The following KMT2C variants were observed in gnomAD, a reference collection of about 807,000 sequenced individuals.
KMT2C encodes lysine methyltransferase 2C, also known as histone-lysine N-methyltransferase 2C.
KMT2C carries 88 observed loss-of-function variants against 507.9 expected under a neutral mutation model. That is an observed-to-expected ratio of 0.17 (90% CI 0.15 to 0.21). KMT2C has a LOEUF of 0.21. Ranked by LOEUF, KMT2C falls within the 10% of genes least tolerant of loss-of-function variation. The pLI, the probability that KMT2C is intolerant of heterozygous loss-of-function variation, is 1.00. For synonymous variants in KMT2C, 2,049 were observed against 2,080.8 expected, an observed-to-expected ratio of 0.98 and a Z score of 0.42; for missense variants, 4,954 against 5,957.8, an observed-to-expected ratio of 0.83 and a Z score of 5.55.
intron 49 of KMT2C, among the ~76,000 whole-genome samples, chr7:152,152,368 T>C (rs1318345844): frequency 6.6e-6 from 1 of 152,178 alleles, no homozygotes; most frequent in Non-Finnish European, 1.5e-5. Flanking sequence ...GCCCCATCTG[T>C]ACCAGGTGGC....
chr7:152,339,827 G>A (rs144099253), intron 2 of KMT2C, among the ~76,000 whole-genome samples: 2 of 152,044 alleles, frequency 1.3e-5, no homozygotes, highest in Admixed American at 6.6e-5. Context: ...TATAAAGCAA[G>A]CAGATAAATC....
Position 152,155,966 on chromosome 7 carries a change from T to C in KMT2C, c.11904A>G (p.Thr3968=). ...LARALAQGPK[T]VDVPASLPTP... is the part of the protein sequence containing the mutation. ...TTGGGAGGGAGGCTGGCACATCAACTGTCTTGGGGCCCTGAGCAAGAGCTC... is the reference window on the plus strand; with the variant it reads ...TTGGGAGGGAGGCTGGCACATCAACCGTCTTGGGGCCCTGAGCAAGAGCTC... The change falls in exon 46 of 59, where the codon ACA becomes ACG. Residue 3968 remains threonine (T), a synonymous_variant. Transcript: ENST00000262189. The C allele has an allele frequency of 1.2e-6, 2 of 1,610,776 alleles. No individual in the cohort carries two copies. The highest frequency in any genetic ancestry group is 2.2e-5 in the South Asian group (2 of 90,224).
intron 38 of KMT2C, among the ~76,000 whole-genome samples, chr7:152,175,106 C>A (rs2093139706): frequency 6.6e-6 from 1 of 151,472 alleles, no homozygotes; most frequent in Admixed American, 6.6e-5. Flanking sequence ...AGTTTTGAAT[C>A]TCTTAATTTA....
intron 6 of KMT2C, among the ~76,000 whole-genome samples, chr7:152,289,540 A>G (rs2096369788): frequency 6.6e-6 from 1 of 152,258 alleles, no homozygotes; most frequent in East Asian, 1.9e-4. Context: ...TTTACATGTA[A>G]GAACAAATAA....
chr7:152,239,020 G>T, intron 14 of KMT2C, 194 bp from the exon 15 acceptor site: 1 of 480,956 alleles, frequency 2.1e-6, no homozygotes, highest in Non-Finnish European at 3.7e-6. Flanking sequence ...TTAAATGTTT[G>T]CTGCTACAAT....
At chr7:152,243,770 A>T (rs2095425462) in intron 14 of KMT2C, among the ~76,000 whole-genome samples, 1 of 152,198 alleles carries the variant, frequency 6.6e-6, no homozygotes, top group South Asian at 2.1e-4. Context: ...CAACAGAGCA[A>T]GACTCAATCT....
intron 2 of KMT2C, among the ~76,000 whole-genome samples, chr7:152,332,933 G>A (rs1019652890): frequency 1.3e-5 from 2 of 150,516 alleles, no homozygotes; most frequent in Admixed American, 6.6e-5. Context: ...AACGGCAAAA[G>A]AATTAACAAT....
At chr7:152,137,852 C>G (rs1480126977) in intron 58 of KMT2C, 2 of 152,208 alleles carry the variant, frequency 1.3e-5, no homozygotes, top group East Asian at 3.9e-4. Context: ...GCCAGGGCTC[C>G]CACACACTGT....
chr7:152,189,344 C>A (rs572851906), intron 31 of KMT2C, among the ~76,000 whole-genome samples: 3 of 152,304 alleles, frequency 2.0e-5, no homozygotes, highest in African/African-American at 7.2e-5. Context: ...TGGAAATACA[C>A]AAGGCCTCTG....
In KMT2C at chr7:152,222,068, T is replaced by G; in HGVS notation, c.3434-2A>C. The G allele has an allele frequency of 6.3e-7, 1 of 1,581,696 alleles. No individual in the cohort carries two copies. Among genetic ancestry groups the G allele is most frequent in the Non-Finnish European group, 8.6e-7 (1 of 1,168,092 alleles). ...ATTCACAGCAGTCTGAGGAAGGCAC[T>G]GAAACGAAAAAAAAAAATCCAGGTA... On this transcript the variant is annotated splice_acceptor_variant, in intron 21 of 58. Coordinates refer to ENST00000262189, the MANE Select transcript of KMT2C (RefSeq NM_170606.3). LOFTEE classifies it high-confidence loss of function.
In KMT2C at chr7:152,227,748, T is replaced by C. The variant is rs539997401; in HGVS notation, c.2976+2175A>G. ...ACAAAGGATCCCCTGAAGTCTTTGG[T>C]GGAACACCAAGCCGTACTTCTAGAA... On this transcript the variant is annotated intron_variant, in intron 18 of 58. Transcript: ENST00000262189. Among the ~76,000 whole-genome samples, 13 of 152,318 alleles carry C rather than the reference T, an allele frequency of 8.5e-5. No individual in the cohort carries two copies. The South Asian group carries it at 1.9e-3, about 22-fold the overall frequency.
intron 14 of KMT2C, among the ~76,000 whole-genome samples, chr7:152,244,104 T>A (rs1197784829): frequency 1.3e-5 from 2 of 152,240 alleles, no homozygotes; most frequent in Non-Finnish European, 1.5e-5. Context: ...ATGACAAATT[T>A]AAAATTTCCA....
At chr7:152,336,443 C>G (rs1409354447) in intron 2 of KMT2C, among the ~76,000 whole-genome samples, 1 of 152,062 alleles carries the variant, frequency 6.6e-6, no homozygotes, top group Non-Finnish European at 1.5e-5. Flanking sequence ...TGATGTCAAC[C>G]AGGGATCCAA....
intron 6 of KMT2C, among the ~76,000 whole-genome samples, chr7:152,299,403 C>T (rs2096546349): frequency 6.6e-6 from 1 of 152,034 alleles, no homozygotes; most frequent in Admixed American, 6.5e-5. Flanking sequence ...CCTGTAATCC[C>T]AGCACTCTGG....
chr7:152,428,458 CAAAAAAA>C lies in KMT2C; in HGVS notation c.161+7161_161+7167del, dbSNP rs140697569. Among the ~76,000 whole-genome samples, 18 of 73,520 alleles carry C rather than the reference CAAAAAAA, an allele frequency of 2.4e-4. No homozygotes were observed. In the East Asian group the frequency reaches 6.6e-3, roughly 27 times the overall value. The allele number at this position is 73,520 out of a possible 152,430, so 48.2% of individuals were successfully genotyped here. A position where few individuals can be genotyped will look rare whatever the true frequency, so the allele number is the denominator to read the frequency against. ...TGAAACCCCGTCTCTACTAAAAATA[CAAAAAAA>C]AAAAAAAAAAAAAAAACTAGCCGGG... On this transcript the variant is annotated intron_variant, in intron 1 of 58. Transcript: ENST00000262189.
chr7:152,152,698 A>G lies in KMT2C; in HGVS notation c.12526+7T>C, dbSNP rs2091732014. On this transcript the variant is annotated splice_region_variant and intron_variant, in intron 49 of 58. Transcript: ENST00000262189. ...ATTTGGGGTTAACAAAAAGCTCACT[A>G]GCTCACCATTGCTTGTTGGAGGAAA... 3 of 1,613,140 alleles carry G rather than the reference A, an allele frequency of 1.9e-6. No individual in the cohort carries two copies. The highest frequency in any genetic ancestry group is 2.5e-6 in the Non-Finnish European group (3 of 1,179,102).
chr7:152,198,495 C>A (rs1301140363), intron 27 of KMT2C, among the ~76,000 whole-genome samples: 1 of 152,050 alleles, frequency 6.6e-6, no homozygotes, highest in Non-Finnish European at 1.5e-5. Flanking sequence ...ACCAAAAGAA[C>A]AATGATTTAC....
rs191886627 is a variant in KMT2C, at chr7:152,371,914, G to A, written c.162-13239C>T. ...CAGGTGTGAGCCACCGTGCCTGGCCGAGTGGATTTTTAAAAACAAGATCCA... is the reference window on the plus strand; with the variant it reads ...CAGGTGTGAGCCACCGTGCCTGGCCAAGTGGATTTTTAAAAACAAGATCCA... On this transcript the variant is annotated intron_variant, in intron 1 of 58. Transcript: ENST00000262189. Among the ~76,000 whole-genome samples the A allele has an allele frequency of 6.6e-5, 10 of 151,906 alleles. No individual in the cohort carries two copies. The East Asian group carries it at 1.4e-3, about 21-fold the overall frequency.
chr7:152,267,557 T>C (rs1463326351), intron 7 of KMT2C, among the ~76,000 whole-genome samples: 2 of 152,164 alleles, frequency 1.3e-5, no homozygotes, highest in Non-Finnish European at 2.9e-5. Flanking sequence ...TAACTGCAGT[T>C]TTTGACATTA....
Sources: allele counts gnomAD v4.1 joint callset (sites outside exome capture counted in the v4.1 genomes callset), GRCh38; gene constraint gnomAD v4.1.1; transcripts MANE v1.5; gene names NCBI Gene and HGNC (gene_info 2026-07-23, HGNC 2026-07-21).